Variants in RABGAP1L observed in about 807,000 individuals in gnomAD.
RABGAP1L encodes the protein rab GTPase-activating protein 1-like.
In RABGAP1L, 63 loss-of-function variants were observed where a neutral mutation model predicts 137.7. That is an observed-to-expected ratio of 0.46 (90% CI 0.37 to 0.56). The LOEUF (loss-of-function observed/expected upper bound fraction) is 0.56, where lower values mean the gene tolerates loss of function less well. RABGAP1L is among the 20% of genes least tolerant of loss of function. The pLI, the probability that RABGAP1L is intolerant of heterozygous loss-of-function variation, is 0.00. For missense variants in RABGAP1L, 1,095 were observed against 1,244.0 expected (o/e 0.88, Z 1.80); for synonymous variants, 431 against 433.7 (o/e 0.99, Z 0.08).
chr1:174,847,530 T>G (rs1251062820), intron 19 of RABGAP1L, among the ~76,000 whole-genome samples: 1 of 147,478 alleles, frequency 6.8e-6, no homozygotes, highest in Admixed American at 6.8e-5. Context: ...GAAAATTCTT[T>G]TCTTTAAGAA....
At chr1:174,830,682 G>A (rs892029641) in intron 19 of RABGAP1L, among the ~76,000 whole-genome samples, 3 of 147,506 alleles carry the variant, frequency 2.0e-5, no homozygotes, top group African/African-American at 7.4e-5. Flanking sequence ...TCATCATGTT[G>A]GCCAGGCTGG....
At chr1:174,661,017 G>A (rs1676334997) in intron 14 of RABGAP1L, among the ~76,000 whole-genome samples, 1 of 152,136 alleles carries the variant, frequency 6.6e-6, no homozygotes, top group African/African-American at 2.4e-5. Flanking sequence ...TCTTCCACAT[G>A]ATAGATAATA....
intron 20 of RABGAP1L, among the ~76,000 whole-genome samples, chr1:174,958,663 C>G (rs1262032268): frequency 6.6e-6 from 1 of 152,182 alleles, no homozygotes; most frequent in Non-Finnish European, 1.5e-5. Context: ...AACATCTTAT[C>G]TCTGTTGCTG....
intron 18 of RABGAP1L, among the ~76,000 whole-genome samples, chr1:174,787,292 A>G (rs1179415349): frequency 6.6e-6 from 1 of 151,856 alleles, no homozygotes; most frequent in Non-Finnish European, 1.5e-5. Context: ...AATCCCAGCT[A>G]CTTGGGAGGC....
intron 1 of RABGAP1L, among the ~76,000 whole-genome samples, chr1:174,182,699 C>T (rs543818662): frequency 5.9e-5 from 9 of 152,294 alleles, no homozygotes; most frequent in Admixed American, 2.6e-4. Flanking sequence ...CCATCCTATC[C>T]TCTCTCCCCA....
intron 20 of RABGAP1L, among the ~76,000 whole-genome samples, chr1:174,961,852 A>G (rs2149350851): frequency 1.5e-5 from 1 of 65,056 alleles, no homozygotes; most frequent in South Asian, 3.6e-4. Flanking sequence ...TCTCAAAAAA[A>G]AAAAAAAAAA....
intron 10 of RABGAP1L, among the ~76,000 whole-genome samples, chr1:174,295,901 G>A (rs1228650190): frequency 1.3e-5 from 2 of 152,090 alleles, no homozygotes; most frequent in African/African-American, 4.8e-5. Flanking sequence ...ACCTAAGCTT[G>A]GGAAATAAAG....
At chr1:174,878,210 C>T (rs1160756702) in intron 19 of RABGAP1L, among the ~76,000 whole-genome samples, 14 of 152,050 alleles carry the variant, frequency 9.2e-5, no homozygotes, top group Non-Finnish European at 1.6e-4. Context: ...TTTAAGATAT[C>T]AACGATCTAT....
At chr1:174,768,415 G>A (rs1477983009) in intron 18 of RABGAP1L, among the ~76,000 whole-genome samples, 1 of 152,222 alleles carries the variant, frequency 6.6e-6, no homozygotes, top group Admixed American at 6.5e-5. Flanking sequence ...AGGATTTTGC[G>A]AGTAGGCTCA....
chr1:174,480,499 A>C (rs1658972054), intron 13 of RABGAP1L, among the ~76,000 whole-genome samples: 1 of 152,234 alleles, frequency 6.6e-6, no homozygotes, highest in African/African-American at 2.4e-5. Flanking sequence ...TCTGGACAGA[A>C]GCCTGGGATT....
At chr1:174,361,349 T>G (rs1684132358) in intron 11 of RABGAP1L, among the ~76,000 whole-genome samples, 1 of 151,972 alleles carries the variant, frequency 6.6e-6, no homozygotes, top group African/African-American at 2.4e-5. Context: ...AGGGATTACA[T>G]TGAATCTGTA....
chr1:174,403,213 G>C (rs1057188896), intron 13 of RABGAP1L, among the ~76,000 whole-genome samples: 1 of 118,154 alleles, frequency 8.5e-6, no homozygotes, highest in Admixed American at 8.2e-5. Flanking sequence ...ATGAGAGTGT[G>C]TGTGTGTGTG....
chr1:174,755,696 A>C (rs1684692882), intron 18 of RABGAP1L, among the ~76,000 whole-genome samples: 1 of 152,220 alleles, frequency 6.6e-6, no homozygotes, highest in Non-Finnish European at 1.5e-5. Flanking sequence ...ACCTACCTAT[A>C]CACATATGTA....
chr1:174,468,390 T>C (rs923192739), intron 13 of RABGAP1L, among the ~76,000 whole-genome samples: 2 of 152,160 alleles, frequency 1.3e-5, no homozygotes, highest in African/African-American at 4.8e-5. Context: ...ATAGGCTGAT[T>C]TCATATTAAG....
intron 13 of RABGAP1L, among the ~76,000 whole-genome samples, chr1:174,588,052 G>A (rs1184844073): frequency 6.6e-6 from 1 of 151,926 alleles, no homozygotes; most frequent in African/African-American, 2.4e-5. Flanking sequence ...TTTTAGTAGG[G>A]ACAGATTTTT....
chr1:174,825,891 A>AAAAC (rs756894688), intron 19 of RABGAP1L, among the ~76,000 whole-genome samples: 7 of 152,252 alleles, frequency 4.6e-5, no homozygotes, highest in East Asian at 3.9e-4. Context: ...ACTCTGTCTC[A>AAAAC]AAACAAACAA....
At chr1:174,660,422 C>T (rs1269922151) in intron 14 of RABGAP1L, among the ~76,000 whole-genome samples, 1 of 152,186 alleles carries the variant, frequency 6.6e-6, no homozygotes, top group South Asian at 2.1e-4. Flanking sequence ...CCCAGCACCA[C>T]ACAACCAGTT....
intron 15 of RABGAP1L, among the ~76,000 whole-genome samples, chr1:174,686,648 C>CTTTTTTTT (rs533716511): frequency 2.8e-5 from 3 of 105,840 alleles, no homozygotes; most frequent in Admixed American, 2.2e-4. Context: ...ACAAAGCAAT[C>CTTTTTTTT]TTTTTTTTTT....
chr1:174,736,838 C>A (rs1682989056), intron 17 of RABGAP1L, among the ~76,000 whole-genome samples: 1 of 152,206 alleles, frequency 6.6e-6, no homozygotes, highest in African/African-American at 2.4e-5. Context: ...TGTACCTGGG[C>A]ACTTTGAGCC....
Sources: gnomAD v4.1 joint callset for allele counts (sites outside exome capture counted in the v4.1 genomes callset) on GRCh38, gnomAD v4.1.1 for gene constraint, MANE v1.5 for transcripts, NCBI Gene and HGNC (gene_info 2026-07-23, HGNC 2026-07-21) for gene names.